Variants in NMNAT1 observed in about 807,000 individuals in gnomAD.
The protein encoded by NMNAT1 is nicotinamide nucleotide adenylyltransferase 1.
A neutral mutation model predicts 16.7 loss-of-function variants in NMNAT1; 11 were observed. That is an observed-to-expected ratio of 0.66 (90% CI 0.41 to 1.09). The LOEUF is 1.09. Among genes scored for constraint, NMNAT1 ranks in the 50% least tolerant of loss-of-function variants. NMNAT1 has a pLI of 0.00. For synonymous variants in NMNAT1, 110 were observed against 119.8 expected (o/e 0.92, Z 0.53); for missense variants, 280 against 332.3 (o/e 0.84, Z 1.22).
At chr1:9,967,590 A>T (rs1641577424) in intron 1 of NMNAT1, 1 of 152,192 alleles carries the variant, frequency 6.6e-6, no homozygotes, top group African/African-American at 2.4e-5. Context: ...AGTTCCAGAA[A>T]GAAAATCCTC....
At chr1:9,962,770 C>T (rs1394699349) in intron 1 of NMNAT1, among the ~76,000 whole-genome samples, 5,960 of 109,068 alleles carry the variant, frequency 0.055, no homozygotes, top group Non-Finnish European at 0.095. Flanking sequence ...CAAGCTCCGC[C>T]TCCCGGGTTC....
At chr1:9,987,906 C>A (rs1642065069), downstream of NMNAT1, among the ~76,000 whole-genome samples, 2 of 152,116 alleles carry the variant, frequency 1.3e-5, no homozygotes, top group African/African-American at 4.8e-5. Flanking sequence ...TTTGTTGAGA[C>A]AATAGTATTC....
At chr1:9,953,860 C>T (rs1424062129) in intron 1 of NMNAT1, among the ~76,000 whole-genome samples, 1 of 126,584 alleles carries the variant, frequency 7.9e-6, no homozygotes, top group East Asian at 2.4e-4. Context: ...GGCTGGAGTG[C>T]AGTGGCACGA....
At position 9,965,122 on chromosome 1, in the gene NMNAT1, T is replaced by G. The variant is rs549329464; in HGVS notation, c.-56-6896T>G. Among the ~76,000 whole-genome samples the G allele has an allele frequency of 1.6e-4, 24 of 151,498 alleles. No individual in the cohort carries two copies. In the South Asian group the frequency reaches 5.0e-3, roughly 32 times the overall value. ...TCACCAGGTCAAGAGATCAAGACCA[T>G]CCTGGCGAACATGGTGAAACCCTGT... On this transcript the variant is annotated intron_variant, in intron 1 of 4. Transcript: ENST00000377205.
At chr1:9,948,119 G>A (rs895865126) in intron 1 of NMNAT1, among the ~76,000 whole-genome samples, 1 of 152,132 alleles carries the variant, frequency 6.6e-6, no homozygotes, top group African/African-American at 2.4e-5. Flanking sequence ...AAATGTTGGT[G>A]GCGTCAAGGG....
At chr1:9,968,810 G>A (rs1473573532) in intron 1 of NMNAT1, among the ~76,000 whole-genome samples, 7 of 144,114 alleles carry the variant, frequency 4.9e-5, no homozygotes, top group African/African-American at 7.6e-5. Context: ...GTGGTGGCAC[G>A]TGCCTGTAAT....
intron 1 of NMNAT1, chr1:9,955,675 T>A (rs981156810): frequency 6.6e-6 from 1 of 152,060 alleles, no homozygotes; most frequent in African/African-American, 2.4e-5. Flanking sequence ...TCACCTGAAT[T>A]TTAGATGTGA....
At chr1:9,996,779 C>T in the NMNAT1 span, among the ~76,000 whole-genome samples, 3 of 152,082 alleles carry the variant, frequency 2.0e-5, no homozygotes, top group Admixed American at 2.0e-4. Context: ...GACGAAGCTG[C>T]GGCGTTACCG....
At chr1:9,977,824 C>T (rs1641849062) in intron 3 of NMNAT1, among the ~76,000 whole-genome samples, 1 of 152,044 alleles carries the variant, frequency 6.6e-6, no homozygotes, top group Non-Finnish European at 1.5e-5. Flanking sequence ...TGCCACTGCA[C>T]TCCAGCCTGG....
At chr1:9,989,908 G>A (rs1642089229), downstream of NMNAT1, among the ~76,000 whole-genome samples, 1 of 152,160 alleles carries the variant, frequency 6.6e-6, no homozygotes. Context: ...CTGCTGCGGG[G>A]CCCACACAAA....
intron 1 of NMNAT1, among the ~76,000 whole-genome samples, chr1:9,956,956 T>C (rs921512089): frequency 2.6e-5 from 4 of 151,834 alleles, no homozygotes; most frequent in African/African-American, 9.7e-5. Context: ...GGTCTCAAAC[T>C]CCTGATCTTG....
At chr1:9,964,616 G>A (rs777634527) in intron 1 of NMNAT1, among the ~76,000 whole-genome samples, 1 of 151,926 alleles carries the variant, frequency 6.6e-6, no homozygotes, top group Non-Finnish European at 1.5e-5. Context: ...CTATTGATGT[G>A]TTTATTGTCA....
At chr1:9,982,013 G>A (rs1422400663) in intron 4 of NMNAT1, among the ~76,000 whole-genome samples, 3 of 152,090 alleles carry the variant, frequency 2.0e-5, no homozygotes, top group Non-Finnish European at 4.4e-5. Context: ...ACAGGCGTGC[G>A]CCACCACACC....
chr1:9,953,869 G>A (rs1426851318), intron 1 of NMNAT1, among the ~76,000 whole-genome samples: 5 of 124,616 alleles, frequency 4.0e-5, no homozygotes, highest in Non-Finnish European at 4.7e-5. Flanking sequence ...GCAGTGGCAC[G>A]ATCTTGGCTC....
intron 1 of NMNAT1, among the ~76,000 whole-genome samples, chr1:9,955,359 G>A (rs1162329987): frequency 6.4e-5 from 9 of 141,652 alleles, no homozygotes; most frequent in African/African-American, 2.3e-4. Context: ...AGCTGGGATC[G>A]CGCCATTGCA....
At chr1:9,982,160 G>A (rs1641962373) in intron 4 of NMNAT1, 141 bp from the exon 5 acceptor site, 8 of 1,143,034 alleles carry the variant, frequency 7.0e-6, no homozygotes, top group South Asian at 6.2e-5. Flanking sequence ...ACCGCACTCG[G>A]CCTAAGCCCT....
intron 1 of NMNAT1, chr1:9,947,220 CT>C (rs1355626930): frequency 1.3e-5 from 2 of 152,308 alleles, no homozygotes; most frequent in Non-Finnish European, 2.9e-5. Context: ...CAGGGTCTTG[CT>C]GTGTCGCCCA....
intron 2 of NMNAT1, among the ~76,000 whole-genome samples, chr1:9,972,958 C>T (rs1641721667): frequency 6.6e-6 from 1 of 152,068 alleles, no homozygotes; most frequent in Admixed American, 6.6e-5. Flanking sequence ...AAGACCCTGA[C>T]CACCCCTCCC....
At chr1:9,948,504 C>A (rs1017241303) in intron 1 of NMNAT1, among the ~76,000 whole-genome samples, 1 of 152,004 alleles carries the variant, frequency 6.6e-6, no homozygotes, top group African/African-American at 2.4e-5. Flanking sequence ...TGGCTTGAGT[C>A]CGGGAGGTGG....
Sources: gnomAD v4.1 joint callset for allele counts (sites outside exome capture counted in the v4.1 genomes callset) on GRCh38, gnomAD v4.1.1 for gene constraint, MANE v1.5 for transcripts, NCBI Gene and HGNC (gene_info 2026-07-23, HGNC 2026-07-21) for gene names.